SCAPER: variants seen among roughly 807,000 people sequenced by gnomAD.
SCAPER encodes the protein S-phase cyclin A associated protein in the ER.
In SCAPER, 98 loss-of-function variants were observed where a neutral mutation model predicts 182.2. The observed-to-expected ratio is 0.54, with a 90% CI of 0.46 to 0.64. The LOEUF (loss-of-function observed/expected upper bound fraction) is 0.64. Ranked by LOEUF, SCAPER falls within the 30% of genes least tolerant of loss-of-function variation. SCAPER has a pLI of 0.00. For missense variants in SCAPER, 1,432 were observed against 1,690.0 expected (o/e 0.85, Z 2.68); for synonymous variants, 605 against 564.6 (o/e 1.07, Z -1.01).
chr15:76,553,280 C>T (rs534083806), intron 23 of SCAPER, among the ~76,000 whole-genome samples: 1 of 152,250 alleles, frequency 6.6e-6, no homozygotes, highest in South Asian at 2.1e-4. Context: ...CCTGCTGGCA[C>T]TCTACCTGTG....
chr15:76,579,846 G>A (rs916481235), intron 22 of SCAPER, among the ~76,000 whole-genome samples: 1 of 151,954 alleles, frequency 6.6e-6, no homozygotes, highest in Non-Finnish European at 1.5e-5. Flanking sequence ...CATGAAAATG[G>A]AAACCAAACA....
chr15:76,706,238 T>C (rs922078974), intron 17 of SCAPER, among the ~76,000 whole-genome samples: 5 of 152,220 alleles, frequency 3.3e-5, no homozygotes, highest in African/African-American at 1.2e-4. Context: ...GACTGTCATT[T>C]AAATATGGCA....
chr15:76,671,932 T>C (rs535014765), intron 20 of SCAPER, among the ~76,000 whole-genome samples: 10 of 152,174 alleles, frequency 6.6e-5, no homozygotes, highest in African/African-American at 9.6e-5. Context: ...ACAGGCTAAT[T>C]TGAGAACAGC....
At chr15:76,711,781 GTTGT>G (rs1219664637) in intron 17 of SCAPER, among the ~76,000 whole-genome samples, 39 of 152,132 alleles carry the variant, frequency 2.6e-4, no homozygotes, top group Middle Eastern at 6.8e-3. Flanking sequence ...TTTTGATGGG[GTTGT>G]TTGTTTTTTT....
chr15:76,452,764 G>A (rs1253715921), intron 25 of SCAPER, among the ~76,000 whole-genome samples: 1 of 151,810 alleles, frequency 6.6e-6, no homozygotes, highest in East Asian at 1.9e-4. Context: ...TTTTATTTTT[G>A]TATTTTGTTA....
At chr15:76,817,812 T>TA (rs921164936) in intron 5 of SCAPER, among the ~76,000 whole-genome samples, 5 of 151,998 alleles carry the variant, frequency 3.3e-5, no homozygotes, top group African/African-American at 4.8e-5. Flanking sequence ...AAAACTCTGA[T>TA]AAAAAAAATT....
intron 20 of SCAPER, among the ~76,000 whole-genome samples, chr15:76,674,498 G>C (rs1030423570): frequency 1.3e-5 from 2 of 152,114 alleles, no homozygotes; most frequent in African/African-American, 4.8e-5. Context: ...GTGACCATGT[G>C]ACTGAGTACT....
chr15:76,804,494 G>T (rs1196085287), intron 6 of SCAPER, 39 bp downstream of exon 6: 10 of 1,362,686 alleles, frequency 7.3e-6, no homozygotes, highest in Non-Finnish European at 1.0e-5. Context: ...TATTGAAACT[G>T]CTGGATGATA....
chr15:76,835,597 G>A (rs1013984434), intron 5 of SCAPER, among the ~76,000 whole-genome samples: 1 of 152,098 alleles, frequency 6.6e-6, no homozygotes, highest in Admixed American at 6.5e-5. Context: ...CATACTGAAT[G>A]GGCAAATGCT....
chr15:76,409,322 A>G (rs991129162), intron 26 of SCAPER, among the ~76,000 whole-genome samples: 7 of 152,212 alleles, frequency 4.6e-5, no homozygotes, highest in African/African-American at 1.7e-4. Context: ...GCTTTAATAC[A>G]GAAAACTTCC....
chr15:76,872,440 A>T (rs2072791568), intron 2 of SCAPER, among the ~76,000 whole-genome samples: 1 of 152,148 alleles, frequency 6.6e-6, no homozygotes, highest in African/African-American at 2.4e-5. Context: ...AAATCTTAAC[A>T]GTGTACAGAG....
At chr15:76,586,980 T>C (rs1431959110) in intron 22 of SCAPER, among the ~76,000 whole-genome samples, 1 of 152,128 alleles carries the variant, frequency 6.6e-6, no homozygotes, top group Non-Finnish European at 1.5e-5. Flanking sequence ...TCATTAAATC[T>C]CACTGCTTGT....
intron 22 of SCAPER, among the ~76,000 whole-genome samples, chr15:76,611,742 T>C (rs909256567): frequency 3.3e-5 from 5 of 152,136 alleles, no homozygotes; most frequent in East Asian, 1.9e-4. Context: ...AAAGCTTATC[T>C]ACCATGATTA....
At chr15:76,857,705 G>C in intron 4 of SCAPER, 104 bp downstream of exon 4, 1 of 758,354 alleles carries the variant, frequency 1.3e-6, no homozygotes, top group Non-Finnish European at 2.1e-6. Flanking sequence ...TTTTTATTTA[G>C]ATAAATAATA....
intron 30 of SCAPER, among the ~76,000 whole-genome samples, chr15:76,351,905 T>C (rs1241825069): frequency 3.3e-5 from 5 of 152,204 alleles, no homozygotes; most frequent in Non-Finnish European, 7.3e-5. Flanking sequence ...AAATAAACAA[T>C]ATAAGAAATT....
rs552376678 is a variant in SCAPER, at chr15:76,833,079, A to T, written c.393+8655T>A. 1.1e-4 allele frequency among the ~76,000 whole-genome samples: 17 copies of T among 152,232 alleles called. No individual in the cohort carries two copies. The East Asian group carries it at 3.1e-3, about 28-fold the overall frequency. Reference sequence around the variant, plus strand: ...CATCCCCCAGACACATAATTATCAGATTCTCCAAGGTCAATGCAGAAGAAA... The same window carrying T: ...CATCCCCCAGACACATAATTATCAGTTTCTCCAAGGTCAATGCAGAAGAAA... On this transcript the variant is annotated intron_variant, in intron 5 of 31. Transcript: ENST00000563290.
intron 24 of SCAPER, among the ~76,000 whole-genome samples, chr15:76,500,781 TA>T (rs2041036681): frequency 6.6e-6 from 1 of 152,128 alleles, no homozygotes; most frequent in Admixed American, 6.5e-5. Context: ...TTTCTGGAAT[TA>T]AAAGTTTGTA....
At chr15:76,686,442 C>G (rs1220126544) in intron 20 of SCAPER, among the ~76,000 whole-genome samples, 3 of 152,062 alleles carry the variant, frequency 2.0e-5, no homozygotes, top group Non-Finnish European at 2.9e-5. Context: ...ATCTATAACT[C>G]TTATACGTCA....
At position 76,384,780 on chromosome 15, in the gene SCAPER, T is replaced by C. The variant is rs563007789; in HGVS notation, c.3468-3165A>G. On this transcript the variant is annotated intron_variant, in intron 27 of 31. Coordinates refer to ENST00000563290, the MANE Select transcript of SCAPER (RefSeq NM_020843.4). ...GACTAATGTAGACATGAAGGGACCA[T>C]AGAGAATGTTTACTTTTGATTTAGC... Among the ~76,000 whole-genome samples the C allele has an allele frequency of 5.1e-4, 77 of 152,290 alleles. 1 individual carries two copies. In the South Asian group the frequency reaches 0.012, roughly 24 times the overall value.
Sources: allele counts gnomAD v4.1 joint callset (sites outside exome capture counted in the v4.1 genomes callset), GRCh38; gene constraint gnomAD v4.1.1; transcripts MANE v1.5; gene names NCBI Gene and HGNC (gene_info 2026-07-23, HGNC 2026-07-21).